Variants in KCNN3 observed in about 807,000 individuals in gnomAD.
KCNN3 encodes small conductance calcium-activated potassium channel protein 3.
A neutral mutation model predicts 62.9 loss-of-function variants in KCNN3; 16 were observed. The ratio of observed to expected loss-of-function variants is 0.25; its 90% CI spans 0.17 to 0.39. KCNN3 has a LOEUF of 0.39. Ranked by LOEUF, KCNN3 falls within the 10% of genes least tolerant of loss-of-function variation. The pLI is 1.00. For missense variants in KCNN3, 599 were observed against 949.4 expected, an observed-to-expected ratio of 0.63 and a Z score of 4.85; for synonymous variants, 370 against 389.2, an observed-to-expected ratio of 0.95 and a Z score of 0.58.
chr1:154,846,169 AC>A (rs1433912105), intron 1 of KCNN3, among the ~76,000 whole-genome samples: 1 of 152,080 alleles, frequency 6.6e-6, no homozygotes, highest in Non-Finnish European at 1.5e-5. Flanking sequence ...CCTCTTCCTG[AC>A]CACGTCTAAA....
chr1:154,865,973 A>C (rs1050387623), intron 1 of KCNN3, among the ~76,000 whole-genome samples: 2 of 152,150 alleles, frequency 1.3e-5, no homozygotes, highest in African/African-American at 4.8e-5. Flanking sequence ...CAGCAGGGCC[A>C]ACCAGGCACA....
At chr1:154,825,128 T>G (rs958872877) in intron 1 of KCNN3, among the ~76,000 whole-genome samples, 3 of 152,122 alleles carry the variant, frequency 2.0e-5, no homozygotes, top group Non-Finnish European at 2.9e-5. Context: ...ATTGATATGG[T>G]TCCTTGGGGG....
At chr1:154,807,454 T>C (rs1242952755) in intron 2 of KCNN3, among the ~76,000 whole-genome samples, 3 of 152,182 alleles carry the variant, frequency 2.0e-5, no homozygotes, top group Non-Finnish European at 4.4e-5. Flanking sequence ...CTTTGGGTGA[T>C]GTCACTGCTG....
chr1:154,747,490 G>A (rs571556193), intron 3 of KCNN3, among the ~76,000 whole-genome samples: 11 of 152,266 alleles, frequency 7.2e-5, no homozygotes, highest in Middle Eastern at 3.4e-3. Context: ...ATTGACATTT[G>A]TGAACGATTT....
chr1:154,853,578 C>CT (rs780375892), intron 1 of KCNN3, among the ~76,000 whole-genome samples: 4 of 152,198 alleles, frequency 2.6e-5, no homozygotes, highest in Non-Finnish European at 4.4e-5. Flanking sequence ...AGCGATCCTC[C>CT]TGCCTCGGCC....
chr1:154,724,172 A>G (rs1056978416), intron 5 of KCNN3, among the ~76,000 whole-genome samples: 1 of 152,238 alleles, frequency 6.6e-6, no homozygotes, highest in Non-Finnish European at 1.5e-5. Flanking sequence ...ATCAAACACC[A>G]TAAATAATTC....
intron 3 of KCNN3, among the ~76,000 whole-genome samples, chr1:154,765,289 C>G (rs1024690465): frequency 9.2e-5 from 6 of 65,402 alleles, no homozygotes; most frequent in Non-Finnish European, 2.0e-4. Context: ...ATGCTTTTAT[C>G]CAAATTTATC....
chr1:154,707,515 G>A lies in KCNN3; in HGVS notation c.*461C>T, dbSNP rs1433001920. ...TTACTTTTGTCACCCAGAGGCTTCC[G>A]TAGACAAAAGGAAAGGAGAGAGGTG... On this transcript the variant is annotated 3_prime_UTR_variant, in exon 8 of 8. Transcript: ENST00000271915. The A allele has an allele frequency of 1.3e-5, 2 of 150,926 alleles. No individual in the cohort carries two copies. The highest frequency in any genetic ancestry group is 2.0e-4 in the East Asian group (1 of 5,048). 9.3% of individuals were successfully genotyped at this position (150,926 alleles called of 1,614,324 possible). A position where few individuals can be genotyped will look rare whatever the true frequency, so the allele number is the denominator to read the frequency against.
intron 2 of KCNN3, among the ~76,000 whole-genome samples, chr1:154,819,223 G>A (rs1389485073): frequency 6.6e-6 from 1 of 152,178 alleles, no homozygotes; most frequent in African/African-American, 2.4e-5. Flanking sequence ...GCAGCTGGCT[G>A]AGCAGCCAGA....
At chr1:154,804,231 A>G (rs1650071456) in intron 2 of KCNN3, among the ~76,000 whole-genome samples, 1 of 152,234 alleles carries the variant, frequency 6.6e-6, no homozygotes, top group Admixed American at 6.5e-5. Flanking sequence ...TTTCAGATTA[A>G]TGCGTTCACT....
Position 154,708,185 on chromosome 1 carries a change from G to C in KCNN3, c.1987C>G (p.Leu663Val). 4.3e-6 allele frequency: 7 copies of C among 1,613,772 alleles called. No individual in the cohort carries two copies. The highest frequency in any genetic ancestry group is 5.9e-6 in the Non-Finnish European group (7 of 1,179,966). ...TTGAAGCTGGCGGTGAGATGCTCCA[G>C]CTTCGACTCCAGGCTGCCAATCTGC... ...EKQIGSLESK[L>V]EHLTASFNSL... Residue 663 changes from leucine to valine, a missense_variant, in exon 8 of 8, where the codon CTG (leucine) becomes GTG (valine). Leu to Val is a conservative substitution (Grantham distance 32). Transcript: ENST00000271915.
At chr1:154,742,739 G>A (rs1275531857) in intron 3 of KCNN3, among the ~76,000 whole-genome samples, 1 of 152,196 alleles carries the variant, frequency 6.6e-6, no homozygotes, top group East Asian at 1.9e-4. Flanking sequence ...CGTCCTGCCT[G>A]CCTCGCGAGG....
At chr1:154,860,482 G>A (rs1288798197) in intron 1 of KCNN3, among the ~76,000 whole-genome samples, 1 of 152,190 alleles carries the variant, frequency 6.6e-6, no homozygotes, top group Non-Finnish European at 1.5e-5. Context: ...ATTGCTAACT[G>A]AGTGTAGAAT....
chr1:154,845,512 C>T (rs1000049926), intron 1 of KCNN3, among the ~76,000 whole-genome samples: 5 of 152,178 alleles, frequency 3.3e-5, no homozygotes, highest in Admixed American at 1.3e-4. Context: ...TTTCTCACTG[C>T]GGGGGCCCCA....
rs899278409 is a variant in KCNN3, at chr1:154,777,821, G to A, written c.1030-5428C>T. 2.6e-5 allele frequency among the ~76,000 whole-genome samples: 4 copies of A among 152,232 alleles called. No individual in the cohort carries two copies. In the South Asian group the frequency reaches 8.3e-4, roughly 32 times the overall value. On this transcript the variant is annotated intron_variant, in intron 2 of 7. Transcript: ENST00000271915. The stretch of plus-strand genomic sequence containing the variant: ...GGCAGGGAGTACCGTGGGCCCTCAA[G>A]TGGTCTGTTCTGGCCTGTTCCAGAG...
rs555396097 is a variant in KCNN3 at position 154,744,352 on chromosome 1, CCTAA to C, written c.1449-11212_1449-11209del. On this transcript the variant is annotated intron_variant, in intron 3 of 7. Coordinates refer to ENST00000271915, the MANE Select transcript of KCNN3 (RefSeq NM_002249.6). ...GTGCAAAGCTCCAGTGCGTAACTGA[CCTAA>C]CTAACTTCTCACAGCAACTAAGCGA... 6.6e-5 allele frequency among the ~76,000 whole-genome samples: 10 copies of C among 152,332 alleles called. No homozygotes were observed. In the South Asian group the frequency reaches 1.5e-3, roughly 22 times the overall value.
In KCNN3 at chr1:154,862,172, C is replaced by A. The variant is rs1174968855; in HGVS notation, c.933+6860G>T. On this transcript the variant is annotated intron_variant, in intron 1 of 7. Transcript: ENST00000271915. This position sits in a 1 kb window ranked among gnomAD's most constrained non-coding sequence, Gnocchi z 4.1. The stretch of plus-strand genomic sequence containing the variant: ...AATCAGAAGTGTACTGAGACCTGAG[C>A]TCTCATTCTAGAACCCTCTCTTTCC... 3.9e-5 allele frequency among the ~76,000 whole-genome samples: 6 copies of A among 152,294 alleles called. No homozygotes were observed. The Middle Eastern group carries it at 0.014, about 345-fold the overall frequency.
chr1:154,750,401 C>T (rs893348243), intron 3 of KCNN3, among the ~76,000 whole-genome samples: 3 of 152,216 alleles, frequency 2.0e-5, no homozygotes, highest in Admixed American at 6.5e-5. Flanking sequence ...TTTTCTCTGC[C>T]TCTTGAACTG....
In KCNN3 at chr1:154,772,360, G is replaced by T. The variant is rs769288919; in HGVS notation, c.1063C>A (p.Arg355=). The T allele has an allele frequency of 1.9e-6, 3 of 1,614,172 alleles. No individual in the cohort carries two copies. Among genetic ancestry groups the T allele is most frequent in the Non-Finnish European group, 2.5e-6 (3 of 1,180,026 alleles). Residue 355 remains arginine (R), a synonymous_variant, in exon 3 of 8, where the codon CGG becomes AGG. Coordinates refer to ENST00000271915, the MANE Select transcript of KCNN3 (RefSeq NM_002249.6). The surrounding 1 kb of genome is among the most constrained non-coding windows in gnomAD (Gnocchi z 5.6). ...FVIDNGADDW[R]IAMTYERILY... ...ATGCGCTCGTAGGTCATGGCTATCCGCCAGTCATCCGCGCCATTGTCGATC... is the reference window on the plus strand; with the variant it reads ...ATGCGCTCGTAGGTCATGGCTATCCTCCAGTCATCCGCGCCATTGTCGATC...
Sources: gnomAD v4.1 joint callset for allele counts (sites outside exome capture counted in the v4.1 genomes callset) on GRCh38, gnomAD v4.1.1 for gene constraint, Gnocchi (gnomAD v3.1) non-coding constraint, MANE v1.5 for transcripts, NCBI Gene and HGNC (gene_info 2026-07-23, HGNC 2026-07-21) for gene names.